TRABD2B: variants seen among roughly 807,000 people sequenced by gnomAD.
TRABD2B encodes the protein TraB domain containing 2B, also known as metalloprotease TIKI2.
Under a neutral mutation model 40.1 loss-of-function variants are expected in TRABD2B, and 14 were observed. The observed-to-expected ratio is 0.35, with a 90% CI of 0.23 to 0.55. The LOEUF is 0.55. TRABD2B is among the 20% of genes least tolerant of loss of function. The pLI is 0.90. For synonymous variants in TRABD2B, 263 were observed against 277.0 expected, an observed-to-expected ratio of 0.95 and a Z score of 0.50; for missense variants, 541 against 648.6, an observed-to-expected ratio of 0.83 and a Z score of 1.80.
chr1:47,793,531 G>A (rs1644704419), intron 4 of TRABD2B, among the ~76,000 whole-genome samples: 1 of 152,262 alleles, frequency 6.6e-6, no homozygotes, highest in Non-Finnish European at 1.5e-5. Flanking sequence ...TCGCCCTGGA[G>A]GGCGGCATGA....
chr1:47,814,959 T>C, intron 2 of TRABD2B, among the ~76,000 whole-genome samples: 1 of 152,278 alleles, frequency 6.6e-6, no homozygotes, highest in African/African-American at 2.4e-5. Context: ...GGAGGGTCCT[T>C]AGATCCTGCA....
intron 2 of TRABD2B, among the ~76,000 whole-genome samples, chr1:47,982,281 A>G (rs1293962150): frequency 6.6e-6 from 1 of 152,212 alleles, no homozygotes; most frequent in Non-Finnish European, 1.5e-5. Flanking sequence ...TGGGCCAATA[A>G]TAATAATGAA....
At chr1:47,778,966 C>G (rs924159504) in intron 4 of TRABD2B, among the ~76,000 whole-genome samples, 1 of 152,202 alleles carries the variant, frequency 6.6e-6, no homozygotes, top group African/African-American at 2.4e-5. Context: ...AGCAGTCACT[C>G]AAAGCCCAGC....
intron 2 of TRABD2B, among the ~76,000 whole-genome samples, chr1:47,933,298 G>A (rs770100668): frequency 6.6e-6 from 1 of 151,388 alleles, no homozygotes; most frequent in Non-Finnish European, 1.5e-5. Flanking sequence ...TTTTTTAGTA[G>A]AGACGGGGTT....
intron 6 of TRABD2B, among the ~76,000 whole-genome samples, chr1:47,769,018 T>C (rs1216186672): frequency 6.6e-6 from 1 of 152,156 alleles, no homozygotes; most frequent in Non-Finnish European, 1.5e-5. Flanking sequence ...GCGTGGGTGC[T>C]TCCGGCTGAG....
In TRABD2B at chr1:47,764,775, T is replaced by C. The variant is rs1644281903; in HGVS notation, c.*1127A>G. On this transcript the variant is annotated 3_prime_UTR_variant, in exon 7 of 7. Coordinates refer to ENST00000606738, the MANE Select transcript of TRABD2B (RefSeq NM_001194986.2). The stretch of plus-strand genomic sequence containing the variant: ...CAGGGAACAGGAGGCAGGAATTGTT[T>C]TGCATCACACTGATCTGGGGCCACA... The C allele has an allele frequency of 6.6e-6, 1 of 152,154 alleles. No individual in the cohort carries two copies. The highest frequency in any genetic ancestry group is 1.5e-5 in the Non-Finnish European group (1 of 68,054). 9.4% of individuals were successfully genotyped at this position (152,154 alleles called of 1,614,324 possible). A position where few individuals can be genotyped will look rare whatever the true frequency, so the allele number is the denominator to read the frequency against.
Position 47,874,252 on chromosome 1 carries a change from A to ATTTTTTTT in TRABD2B, c.667-72641_667-72634dup, listed in dbSNP as rs61411862. Among the ~76,000 whole-genome samples the ATTTTTTTT allele has an allele frequency of 1.9e-3, 170 of 90,526 alleles. 2 individuals are homozygous for ATTTTTTTT. Among genetic ancestry groups the ATTTTTTTT allele is most frequent in the East Asian group, 2.6e-3 (7 of 2,710 alleles). 59.4% of individuals were successfully genotyped at this position (90,526 alleles called of 152,430 possible). A position where few individuals can be genotyped will look rare whatever the true frequency, so the allele number is the denominator to read the frequency against. ...ATTTTATTTTTAAATTGATTAATTAATTTTTTTTTTTTTTTTTTTTTTTTG... is the reference window on the plus strand; with the variant it reads ...ATTTTATTTTTAAATTGATTAATTAATTTTTTTTTTTTTTTTTTTTTTTTTTTTTTTTG... On this transcript the variant is annotated intron_variant, in intron 2 of 6. Coordinates refer to ENST00000606738, the MANE Select transcript of TRABD2B (RefSeq NM_001194986.2).
intron 2 of TRABD2B, among the ~76,000 whole-genome samples, chr1:47,899,226 T>C (rs960641150): frequency 4.6e-5 from 7 of 152,138 alleles, no homozygotes; most frequent in Admixed American, 2.0e-4. Flanking sequence ...GCCCCACAGA[T>C]CTTGGCATGC....
In TRABD2B at chr1:47,762,596, T is replaced by C. The variant is rs1644255589; in HGVS notation, c.*3306A>G. ...GTTGTAGATAACACATTATTTAGCA[T>C]GAAGAAAATATGCTTAGGGTCTTTC... is the stretch of plus-strand genomic sequence containing the variant. On this transcript the variant is annotated 3_prime_UTR_variant, in exon 7 of 7. Coordinates refer to ENST00000606738, the MANE Select transcript of TRABD2B (RefSeq NM_001194986.2). The C allele has an allele frequency of 1.3e-5, 2 of 152,292 alleles. No individual in the cohort carries two copies. The highest frequency in any genetic ancestry group is 6.5e-5 in the Admixed American group (1 of 15,306). The allele number at this position is 152,292 out of a possible 1,614,324, so 9.4% of individuals were successfully genotyped here. A position where few individuals can be genotyped will look rare whatever the true frequency, so the allele number is the denominator to read the frequency against.
chr1:47,923,728 C>CT (rs1460335196), intron 2 of TRABD2B, among the ~76,000 whole-genome samples: 2 of 152,050 alleles, frequency 1.3e-5, no homozygotes, highest in East Asian at 3.9e-4. Flanking sequence ...CAGTTGAAGG[C>CT]TTTAAGAGAA....
At chr1:47,826,761 C>T (rs1318505059) in intron 2 of TRABD2B, among the ~76,000 whole-genome samples, 12 of 152,070 alleles carry the variant, frequency 7.9e-5, no homozygotes, top group African/African-American at 2.4e-4. Context: ...TTAGTGGAGA[C>T]GTGATCTTGT....
chr1:47,956,373 C>T (rs1486107306), intron 2 of TRABD2B, among the ~76,000 whole-genome samples: 1 of 152,208 alleles, frequency 6.6e-6, no homozygotes, highest in Non-Finnish European at 1.5e-5. Flanking sequence ...ACAGTGGGTG[C>T]AGCCCATGGA....
At chr1:47,978,124 G>A (rs1408415038) in intron 2 of TRABD2B, among the ~76,000 whole-genome samples, 2 of 152,130 alleles carry the variant, frequency 1.3e-5, no homozygotes, top group Non-Finnish European at 2.9e-5. Context: ...ATTTGGGGAG[G>A]TCATTAGGTC....
chr1:47,763,434 G>C lies in TRABD2B; in HGVS notation c.*2468C>G, dbSNP rs1644265513. The C allele has an allele frequency of 6.6e-6, 1 of 152,204 alleles. No individual in the cohort carries two copies. Among genetic ancestry groups the C allele is most frequent in the South Asian group, 2.1e-4 (1 of 4,830 alleles). 9.4% of individuals were successfully genotyped at this position (152,204 alleles called of 1,614,324 possible). On this transcript the variant is annotated 3_prime_UTR_variant, in exon 7 of 7. Coordinates refer to ENST00000606738, the MANE Select transcript of TRABD2B (RefSeq NM_001194986.2). ...CCTAATATGCCCAGAGGAGGGATCT[G>C]GGAAAGACTAAGGCTGAATCTTCCT...
intron 6 of TRABD2B, among the ~76,000 whole-genome samples, chr1:47,774,574 A>G (rs983663480): frequency 6.6e-6 from 1 of 152,196 alleles, no homozygotes. Context: ...CAGGAGGGGC[A>G]TATAGGAAGA....
chr1:47,954,049 G>A (rs1377240115), intron 2 of TRABD2B, among the ~76,000 whole-genome samples: 1 of 152,200 alleles, frequency 6.6e-6, no homozygotes, highest in African/African-American at 2.4e-5. Flanking sequence ...ACCCAGTCAT[G>A]GGAGAAGCTC....
Position 47,775,151 on chromosome 1 carries a change from C to T in TRABD2B, c.1349+19G>A. 8.1e-7 allele frequency: 1 copy of T among 1,233,284 alleles called. No homozygotes were observed. The highest frequency in any genetic ancestry group is 1.0e-6 in the Non-Finnish European group (1 of 988,494). 76.4% of individuals were successfully genotyped at this position (1,233,284 alleles called of 1,614,324 possible). On this transcript the variant is annotated intron_variant, in intron 6 of 6. Coordinates refer to ENST00000606738, the MANE Select transcript of TRABD2B (RefSeq NM_001194986.2). ...TGCAGACGCCCAGCTCCTGGGCAGA[C>T]CTGCCCTCCCTGGCTCACCTGTCCT...
chr1:47,840,103 T>A (rs1240628272), intron 2 of TRABD2B, among the ~76,000 whole-genome samples: 1 of 152,054 alleles, frequency 6.6e-6, no homozygotes. Context: ...GAGTGAACAA[T>A]CGGAGGATCT....
At chr1:47,964,918 A>G (rs934050633) in intron 2 of TRABD2B, among the ~76,000 whole-genome samples, 21 of 152,012 alleles carry the variant, frequency 1.4e-4, no homozygotes, top group African/African-American at 4.8e-4. Context: ...TACCCCAGGC[A>G]GACACCATTT....
Sources: allele counts gnomAD v4.1 joint callset (sites outside exome capture counted in the v4.1 genomes callset), GRCh38; gene constraint gnomAD v4.1.1; transcripts MANE v1.5; gene names NCBI Gene and HGNC (gene_info 2026-07-23, HGNC 2026-07-21).